DCDC1: variants seen among roughly 807,000 people sequenced by gnomAD.
DCDC1 encodes the protein doublecortin domain containing 1, also known as doublecortin domain-containing protein 1.
DCDC1 carries 200 observed loss-of-function variants against 178.3 expected under a neutral mutation model. That is an observed-to-expected ratio of 1.12 (90% confidence interval 1.00 to 1.26). The LOEUF (loss-of-function observed/expected upper bound fraction) is 1.26, where lower values mean the gene tolerates loss of function less well. DCDC1 is among the 50% of genes most tolerant of loss of function. The probability of loss-of-function intolerance (pLI) is 0.00; values close to 1 mark genes in which losing one functional copy is unlikely to be tolerated. For missense variants in DCDC1, 1,983 were observed against 1,749.2 expected (o/e 1.13, Z -2.38); for synonymous variants, 690 against 604.8 (o/e 1.14, Z -2.07).
intron 15 of DCDC1, among the ~76,000 whole-genome samples, chr11:31,100,981 G>A (rs1262566562): frequency 6.6e-6 from 1 of 152,150 alleles, no homozygotes; most frequent in Non-Finnish European, 1.5e-5. Flanking sequence ...CCCGGCAGAA[G>A]TAGAAATATT....
intron 25 of DCDC1, among the ~76,000 whole-genome samples, chr11:30,919,766 A>G (rs1027962904): frequency 4.6e-5 from 7 of 152,254 alleles, no homozygotes; most frequent in African/African-American, 1.7e-4. Context: ...AATTAATAAC[A>G]ATGATATATA....
In DCDC1 at chr11:30,920,848, T is replaced by G. The variant is rs776378878; in HGVS notation, c.3221A>C (p.Gln1074Pro). 1 of 1,613,700 alleles carries G rather than the reference T, an allele frequency of 6.2e-7. No homozygotes were observed. Among genetic ancestry groups the G allele is most frequent in the Non-Finnish European group, 8.5e-7 (1 of 1,179,756 alleles). Reference protein sequence around the residue: ...KPVAIFGEEKQVTEPEEKQMQ... With the variant: ...KPVAIFGEEKPVTEPEEKQMQ... ...TTGCTTTTCTTCCGGTTCTGTAACT[T>G]GCTTCTCTTCTCCAAAAATTGCTAC... is the stretch of plus-strand genomic sequence containing the variant. Residue 1074 changes from glutamine (Q) to proline (P), a missense_variant, in exon 25 of 39, where the codon CAA becomes CCA. Transcript: ENST00000684477.
intron 2 of DCDC1, among the ~76,000 whole-genome samples, chr11:31,333,113 T>A (rs1029468333): frequency 6.6e-6 from 1 of 152,218 alleles, no homozygotes; most frequent in African/African-American, 2.4e-5. Context: ...TCTTGTTGAA[T>A]TGATCCCTTT....
At chr11:30,968,371 C>G (rs1590593428) in intron 20 of DCDC1, among the ~76,000 whole-genome samples, 1 of 151,912 alleles carries the variant, frequency 6.6e-6, no homozygotes, top group Admixed American at 6.6e-5. Context: ...CCAGTAGTCC[C>G]CTTTATCACA....
At chr11:31,240,204 A>AT (rs1976946931) in intron 9 of DCDC1, among the ~76,000 whole-genome samples, 1 of 151,886 alleles carries the variant, frequency 6.6e-6, no homozygotes, top group Non-Finnish European at 1.5e-5. Context: ...AAACTTAAAT[A>AT]ATATTTCAAC....
intron 9 of DCDC1, among the ~76,000 whole-genome samples, chr11:31,163,712 T>G (rs1346620086): frequency 1.3e-5 from 2 of 152,188 alleles, no homozygotes; most frequent in Admixed American, 1.3e-4. Context: ...TGTATATATT[T>G]GTTAATCTAG....
In DCDC1 at chr11:30,905,004, C is replaced by A; in HGVS notation, c.4265G>T (p.Gly1422Val). Residue 1422 changes from glycine (G) to valine (V), a missense_variant, in exon 31 of 39, where the codon GGG (glycine) becomes GTG (valine). By Grantham distance (109) the Gly-to-Val change is moderately radical. Coordinates refer to ENST00000684477, the MANE Select transcript of DCDC1 (RefSeq NM_001387274.1). ...VKIIAYKNGD[G>V]YRNGKLIVAG... Reference sequence around the variant, plus strand: ...CACAATTAACTTCCCATTACGATACCCATCCCCATTTTTGTATGCAATTAT... The same window carrying A: ...CACAATTAACTTCCCATTACGATACACATCCCCATTTTTGTATGCAATTAT... 6.2e-7 allele frequency: 1 copy of A among 1,613,790 alleles called. No homozygotes were observed. Among genetic ancestry groups the A allele is most frequent in the South Asian group, 1.1e-5 (1 of 91,080 alleles).
intron 20 of DCDC1, among the ~76,000 whole-genome samples, chr11:30,998,083 C>T (rs1951369009): frequency 6.6e-6 from 1 of 152,018 alleles, no homozygotes; most frequent in South Asian, 2.1e-4. Context: ...TGCTTGACCC[C>T]AGGAGGTCGA....
chr11:31,345,108 T>C (rs1565640031), intron 1 of DCDC1, among the ~76,000 whole-genome samples: 1 of 152,222 alleles, frequency 6.6e-6, no homozygotes, highest in Non-Finnish European at 1.5e-5. Flanking sequence ...CCAATCCTGA[T>C]GAAATTTTTC....
intron 20 of DCDC1, among the ~76,000 whole-genome samples, chr11:31,032,387 A>C (rs192271342): frequency 5.5e-4 from 84 of 152,250 alleles, no homozygotes; most frequent in East Asian, 2.5e-3. Context: ...GTATTTCCTA[A>C]TGTTTCTGAT....
At chr11:31,117,711 A>AC (rs1363489364) in intron 11 of DCDC1, among the ~76,000 whole-genome samples, 1 of 151,828 alleles carries the variant, frequency 6.6e-6, no homozygotes, top group Admixed American at 6.6e-5. Flanking sequence ...TCTGCAAAAA[A>AC]AAAACAAAAA....
chr11:31,205,210 G>A (rs777857270), intron 9 of DCDC1, among the ~76,000 whole-genome samples: 2 of 152,100 alleles, frequency 1.3e-5, no homozygotes, highest in Non-Finnish European at 1.5e-5. Context: ...TCTGTTGCCT[G>A]TTTGTATAAA....
At chr11:30,963,832 C>T (rs182837343) in intron 20 of DCDC1, among the ~76,000 whole-genome samples, 22 of 152,150 alleles carry the variant, frequency 1.4e-4, no homozygotes, top group Admixed American at 9.2e-4. Context: ...TTCATTGGCC[C>T]CAGTCTTTTA....
chr11:31,144,538 T>A (rs1393006422), intron 9 of DCDC1, among the ~76,000 whole-genome samples: 2 of 152,190 alleles, frequency 1.3e-5, no homozygotes, highest in African/African-American at 4.8e-5. Context: ...AAACACCAGT[T>A]TCCCTGTATT....
At chr11:31,070,730 C>T (rs546741658) in intron 18 of DCDC1, among the ~76,000 whole-genome samples, 14 of 152,122 alleles carry the variant, frequency 9.2e-5, no homozygotes, top group Non-Finnish European at 1.9e-4. Flanking sequence ...TAAACAGAAC[C>T]CCATCCATTT....
At chr11:31,323,557 T>A (rs1052153475) in intron 3 of DCDC1, among the ~76,000 whole-genome samples, 1 of 152,196 alleles carries the variant, frequency 6.6e-6, no homozygotes, top group African/African-American at 2.4e-5. Flanking sequence ...CAAGCATATA[T>A]TTCTTGCTTT....
At chr11:31,174,070 GC>G (rs1219542877) in intron 9 of DCDC1, among the ~76,000 whole-genome samples, 4 of 152,184 alleles carry the variant, frequency 2.6e-5, no homozygotes, top group Admixed American at 6.5e-5. Flanking sequence ...CGCGGGTGCA[GC>G]CACCCAGCTG....
intron 36 of DCDC1, among the ~76,000 whole-genome samples, chr11:30,885,959 A>G (rs969653969): frequency 1.3e-5 from 2 of 152,068 alleles, no homozygotes; most frequent in Admixed American, 6.6e-5. Context: ...ATAATAGAAA[A>G]CTGGTTGAAT....
chr11:31,138,668 A>G (rs954716841), intron 9 of DCDC1, among the ~76,000 whole-genome samples: 2 of 152,164 alleles, frequency 1.3e-5, no homozygotes, highest in African/African-American at 4.8e-5. Context: ...TTGTTTTGTT[A>G]GTGTTGTTAT....
Sources: gnomAD v4.1 joint callset for allele counts (sites outside exome capture counted in the v4.1 genomes callset) on GRCh38, gnomAD v4.1.1 for gene constraint, MANE v1.5 for transcripts, NCBI Gene and HGNC (gene_info 2026-07-23, HGNC 2026-07-21) for gene names.